CCDC61: variants seen among roughly 807,000 people sequenced by gnomAD.
CCDC61 encodes coiled-coil domain containing 61.
CCDC61 carries 55 observed loss-of-function variants against 63.0 expected under a neutral mutation model. The ratio of observed to expected loss-of-function variants is 0.87; its 90% CI spans 0.70 to 1.09. The LOEUF (loss-of-function observed/expected upper bound fraction) is 1.09. Ranked by LOEUF, CCDC61 falls within the 50% of genes least tolerant of loss-of-function variation. CCDC61 has a pLI of 0.00. For synonymous variants in CCDC61, 270 were observed against 317.0 expected (o/e 0.85, Z 1.58); for missense variants, 651 against 731.4 (o/e 0.89, Z 1.27).
At chr19:46,017,113 T>C in intron 11 of CCDC61, 44 bp downstream of exon 11, 1 of 1,585,920 alleles carries the variant, frequency 6.3e-7, no homozygotes, top group Non-Finnish European at 8.6e-7. Context: ...AAAGGGTTTC[T>C]GGGGAGACTA....
chr19:46,011,876 C>T (rs1226228785), intron 5 of CCDC61, among the ~76,000 whole-genome samples: 2 of 152,184 alleles, frequency 1.3e-5, no homozygotes, highest in African/African-American at 2.4e-5. Flanking sequence ...GATCTCTGCT[C>T]ACTGCAACCT....
In CCDC61 at chr19:46,018,403, C is replaced by T. The variant is rs546344356; in HGVS notation, c.*16C>T. Reference sequence around the variant, plus strand: ...GCGGTCATAACGTGGAGAAGGGGTACTACCCCTCCATCCCCCACCCACTTG... The same window carrying T: ...GCGGTCATAACGTGGAGAAGGGGTATTACCCCTCCATCCCCCACCCACTTG... On this transcript the variant is annotated 3_prime_UTR_variant, in exon 14 of 14. Transcript: ENST00000595358. This position sits in a 1 kb window ranked among gnomAD's most constrained non-coding sequence, Gnocchi z 4.2. 6.2e-5 allele frequency: 95 copies of T among 1,535,578 alleles called. No individual in the cohort carries two copies. Among genetic ancestry groups the T allele is most frequent in the Non-Finnish European group, 8.3e-5 (94 of 1,131,348 alleles).
At position 46,003,132 on chromosome 19, in the gene CCDC61, G is replaced by T. The variant is rs115054643; in HGVS notation, c.114G>T (p.Thr38=). 6 of 1,613,342 alleles carry T rather than the reference G, an allele frequency of 3.7e-6. No homozygotes were observed. The highest frequency in any genetic ancestry group is 5.1e-6 in the Non-Finnish European group (6 of 1,179,620). Residue 38 remains threonine (T), a synonymous_variant, in exon 2 of 14, where the codon ACG becomes ACT. Coordinates refer to ENST00000595358, the MANE Select transcript of CCDC61 (RefSeq NM_001267723.2). ...VLELEVEDRM[T]ADQWRGEFDA... ...AGCTGGAGGTGGAGGACCGGATGACGGCTGACCAGTGGCGGGGCGAGTTCG... is the reference window on the plus strand; with the variant it reads ...AGCTGGAGGTGGAGGACCGGATGACTGCTGACCAGTGGCGGGGCGAGTTCG...
intron 3 of CCDC61, among the ~76,000 whole-genome samples, chr19:46,006,035 T>C (rs1968702239): frequency 6.6e-6 from 1 of 152,206 alleles, no homozygotes; most frequent in Admixed American, 6.6e-5. Flanking sequence ...ATTTCCTGTG[T>C]TTTATGGTTG....
chr19:46,013,435 G>A (rs1040302031), intron 5 of CCDC61, among the ~76,000 whole-genome samples: 2 of 152,150 alleles, frequency 1.3e-5, no homozygotes, highest in Non-Finnish European at 2.9e-5. Context: ...GGGATTACAA[G>A]TGTGAGCCAC....
At chr19:45,999,666 A>C (rs187235394) in intron 1 of CCDC61, among the ~76,000 whole-genome samples, 3 of 152,186 alleles carry the variant, frequency 2.0e-5, no homozygotes, top group Admixed American at 1.3e-4. Context: ...TCTGTGAGCT[A>C]TCTGGGGAGA....
At chr19:45,997,466 C>T (rs917170141) in intron 1 of CCDC61, among the ~76,000 whole-genome samples, 3 of 151,612 alleles carry the variant, frequency 2.0e-5, no homozygotes, top group Non-Finnish European at 4.4e-5. Context: ...TCTCGGCTCA[C>T]GGTAGCCTCC....
chr19:46,016,847 A>T lies in CCDC61; in HGVS notation c.1231+14A>T, dbSNP rs944973267. On this transcript the variant is annotated intron_variant, in intron 10 of 13. Transcript: ENST00000595358. This position sits in a 1 kb window ranked among gnomAD's most constrained non-coding sequence, Gnocchi z 7.2. ...GCAGCTCCTCAGGTAACTGGCCTGG[A>T]GCTGGGGGCTGCCGGGCTAGGCGGG... is the stretch of plus-strand genomic sequence containing the variant. 1.2e-5 allele frequency: 16 copies of T among 1,384,758 alleles called. No individual in the cohort carries two copies. In the African/African-American group the frequency reaches 2.4e-4, roughly 21 times the overall value. 85.8% of individuals were successfully genotyped at this position (1,384,758 alleles called of 1,614,324 possible).
intron 1 of CCDC61, among the ~76,000 whole-genome samples, chr19:45,998,979 G>T (rs150808782): frequency 6.6e-6 from 1 of 152,282 alleles, no homozygotes; most frequent in Non-Finnish European, 1.5e-5. Flanking sequence ...GTCAGGGAAG[G>T]TCAGCTGGGT....
At position 46,016,083 on chromosome 19, in the gene CCDC61, C is replaced by T. The variant is rs1276934242; in HGVS notation, c.875C>T (p.Pro292Leu). The change falls in exon 8 of 14, where the codon CCG (proline) becomes CTG (leucine). Residue 292 changes from proline to leucine, a missense_variant. By Grantham distance (98) the Pro-to-Leu change is moderately conservative. Coordinates refer to ENST00000595358, the MANE Select transcript of CCDC61 (RefSeq NM_001267723.2). The surrounding 1 kb of genome is among the most constrained non-coding windows in gnomAD (Gnocchi z 7.2). ...CGGACTCCGCCGGTGCAGCCGCCCCCGACGCGGGAGGACCGGGCCTCATCG... is the reference window on the plus strand; with the variant it reads ...CGGACTCCGCCGGTGCAGCCGCCCCTGACGCGGGAGGACCGGGCCTCATCG... Reference protein sequence around the residue: ...GRRTPPVQPPPTREDRASSSR... With the variant: ...GRRTPPVQPPLTREDRASSSR... 2.4e-6 allele frequency: 3 copies of T among 1,234,512 alleles called. No individual in the cohort carries two copies. The highest frequency in any genetic ancestry group is 4.1e-5 in the South Asian group (1 of 24,680). The allele number at this position is 1,234,512 out of a possible 1,614,324, so 76.5% of individuals were successfully genotyped here. A position where few individuals can be genotyped will look rare whatever the true frequency, so the allele number is the denominator to read the frequency against.
At chr19:45,997,966 C>T (rs1328174229) in intron 1 of CCDC61, among the ~76,000 whole-genome samples, 2 of 152,202 alleles carry the variant, frequency 1.3e-5, no homozygotes, top group African/African-American at 4.8e-5. Flanking sequence ...AGATTACAGG[C>T]GTGAGTCACT....
Position 46,017,666 on chromosome 19 carries a change from T to TA in CCDC61, c.1368+363dup, listed in dbSNP as rs527319083. Among the ~76,000 whole-genome samples, 25 of 152,262 alleles carry TA rather than the reference T, an allele frequency of 1.6e-4. No individual in the cohort carries two copies. The South Asian group carries it at 4.1e-3, about 25-fold the overall frequency. On this transcript the variant is annotated intron_variant, in intron 12 of 13. Coordinates refer to ENST00000595358, the MANE Select transcript of CCDC61 (RefSeq NM_001267723.2). Reference sequence around the variant, plus strand: ...CCTCAGCCTCCTACAGCGCTGGAGTTACAGGCTGGGCCAGCGCACCTGGCC... The same window carrying TA: ...CCTCAGCCTCCTACAGCGCTGGAGTTAACAGGCTGGGCCAGCGCACCTGGCC...
At chr19:46,002,542 A>C (rs746543779) in intron 1 of CCDC61, among the ~76,000 whole-genome samples, 1 of 150,918 alleles carries the variant, frequency 6.6e-6, no homozygotes, top group Non-Finnish European at 1.5e-5. Context: ...CAGCCTCCCG[A>C]GTAGCTGGGA....
intron 1 of CCDC61, among the ~76,000 whole-genome samples, chr19:45,999,886 G>A (rs912307558): frequency 2.0e-5 from 3 of 152,104 alleles, no homozygotes; most frequent in African/African-American, 7.2e-5. Context: ...CAGGGATGGG[G>A]TGGTGACGTC....
chr19:46,004,835 CTTTTTTTTTTTTTT>C (rs748867869), intron 3 of CCDC61, among the ~76,000 whole-genome samples: 3 of 95,246 alleles, frequency 3.1e-5, no homozygotes, highest in African/African-American at 4.3e-5. Flanking sequence ...ATTTAGATAT[CTTTTTTTTTTTTTT>C]TTTTTTTTTT....
At chr19:46,011,038 CTTTCT>C (rs896123316) in intron 5 of CCDC61, among the ~76,000 whole-genome samples, 6 of 151,292 alleles carry the variant, frequency 4.0e-5, no homozygotes, top group East Asian at 1.9e-4. Flanking sequence ...TTGTCGAGGT[CTTTCT>C]TTTCTTTTCT....
In CCDC61 at chr19:46,016,882, G is replaced by A; in HGVS notation, c.1231+49G>A. 1.3e-6 allele frequency: 2 copies of A among 1,494,016 alleles called. No individual in the cohort carries two copies. Among genetic ancestry groups the A allele is most frequent in the Non-Finnish European group, 1.8e-6 (2 of 1,112,304 alleles). 92.5% of individuals were successfully genotyped at this position (1,494,016 alleles called of 1,614,324 possible). A position where few individuals can be genotyped will look rare whatever the true frequency, so the allele number is the denominator to read the frequency against. On this transcript the variant is annotated intron_variant, in intron 10 of 13. Coordinates refer to ENST00000595358, the MANE Select transcript of CCDC61 (RefSeq NM_001267723.2). This position sits in a 1 kb window ranked among gnomAD's most constrained non-coding sequence, Gnocchi z 7.2. ...TGCCGGGCTAGGCGGGACTGGGCGGGGCTGGGCGGGCTGGGAGGCACTGGG... is the reference window on the plus strand; with the variant it reads ...TGCCGGGCTAGGCGGGACTGGGCGGAGCTGGGCGGGCTGGGAGGCACTGGG...
intron 1 of CCDC61, 92 bp from the exon 2 acceptor site, chr19:46,002,916 A>C: frequency 1.6e-6 from 2 of 1,287,896 alleles, no homozygotes; most frequent in South Asian, 1.3e-5. Flanking sequence ...CACAGCTGGT[A>C]AATGATGGAG....
Position 46,015,302 on chromosome 19 carries a change from C to T in CCDC61, c.762+43C>T, listed in dbSNP as rs757556547. 1.3e-6 allele frequency: 2 copies of T among 1,571,370 alleles called. No individual in the cohort carries two copies. The highest frequency in any genetic ancestry group is 1.8e-5 in the Admixed American group (1 of 56,820). The stretch of plus-strand genomic sequence containing the variant: ...GGGGCGGCCAGCGAGGCGCGGACCT[C>T]GGCCTCAGCCTGGACCTCCGCGCCC... On this transcript the variant is annotated intron_variant, in intron 6 of 13. Coordinates refer to ENST00000595358, the MANE Select transcript of CCDC61 (RefSeq NM_001267723.2). The surrounding 1 kb of genome is among the most constrained non-coding windows in gnomAD (Gnocchi z 5.3).
Sources: gnomAD v4.1 joint callset for allele counts (sites outside exome capture counted in the v4.1 genomes callset) on GRCh38, gnomAD v4.1.1 for gene constraint, Gnocchi (gnomAD v3.1) non-coding constraint, MANE v1.5 for transcripts, NCBI Gene and HGNC (gene_info 2026-07-23, HGNC 2026-07-21) for gene names.